The following TMEM79 variants were observed in gnomAD, a reference collection of about 807,000 sequenced individuals.
TMEM79 encodes transmembrane protein 79.
A neutral mutation model predicts 31.2 loss-of-function variants in TMEM79; 30 were observed. The ratio of observed to expected loss-of-function variants is 0.96; its 90% confidence interval spans 0.72 to 1.30. The LOEUF (loss-of-function observed/expected upper bound fraction) is 1.30, where lower values mean the gene tolerates loss of function less well. Among genes scored for constraint, TMEM79 ranks in the 50% most tolerant of loss-of-function variants. TMEM79 has a pLI of 0.00. For synonymous variants in TMEM79, 213 were observed against 229.5 expected (o/e 0.93, Z 0.65); for missense variants, 509 against 528.2 (o/e 0.96, Z 0.36).
At chr1:156,283,123 C>T (rs1255257069), upstream of TMEM79, 138 of 328,394 alleles carry the variant, frequency 4.2e-4, 2 homozygotes, top group Non-Finnish European at 1.7e-5. Flanking sequence ...TTGGTCCATC[C>T]TTCTGCCCCT....
chr1:156,286,070 T>C, intron 2 of TMEM79, 87 bp downstream of exon 2: 4 of 1,528,416 alleles, frequency 2.6e-6, no homozygotes, highest in Non-Finnish European at 3.5e-6. Context: ...AGGATTTCCC[T>C]TCACTTGACC....
intron 3 of TMEM79, 57 bp downstream of exon 3, chr1:156,286,530 C>A: frequency 6.4e-7 from 1 of 1,559,422 alleles, no homozygotes; most frequent in Non-Finnish European, 8.8e-7. Flanking sequence ...AGAACCTAGG[C>A]ATCTGAATGT....
At position 156,285,389 on chromosome 1, in the gene TMEM79, T is replaced by A. The variant is rs1332212673; in HGVS notation, c.163T>A (p.Ser55Thr). The A allele has an allele frequency of 2.5e-6, 4 of 1,589,048 alleles. No homozygotes were observed. Among genetic ancestry groups the A allele is most frequent in the Non-Finnish European group, 3.4e-6 (4 of 1,166,660 alleles). ...CCTCAGAGTGGGGTCTTCAGCTGGA[T>A]CTCCCACAGCCATAGAGGGGGCTGA... Reference protein sequence around the residue: ...ESLRVGSSAGSPTAIEGAEDG... With the variant: ...ESLRVGSSAGTPTAIEGAEDG... Residue 55 changes from serine to threonine, a missense_variant, in exon 2 of 4, where the codon TCT becomes ACT. Transcript: ENST00000405535.
Position 156,286,298 on chromosome 1 carries a change from G to A in TMEM79, c.796G>A (p.Ala266Thr), listed in dbSNP as rs150015785. 2.0e-5 allele frequency: 32 copies of A among 1,614,106 alleles called. No homozygotes were observed. Among genetic ancestry groups the A allele is most frequent in the Non-Finnish European group, 2.7e-5 (32 of 1,180,054 alleles). The change falls in exon 3 of 4, where the codon GCC becomes ACC. Residue 266 changes from alanine to threonine, a missense_variant. Physicochemically the swap from Ala to Thr is moderately conservative, Grantham distance 58. Coordinates refer to ENST00000405535, the MANE Select transcript of TMEM79 (RefSeq NM_032323.3). ...VYGLSLLCFSALRPFGEPRRE... is the reference protein window; with the variant it reads ...VYGLSLLCFSTLRPFGEPRRE... The stretch of plus-strand genomic sequence containing the variant: ...CGGGCTGAGCCTGTTATGCTTTTCT[G>A]CCCTTCGGCCCTTTGGGGAGCCACG...
rs374608140 is a variant in TMEM79 at position 156,286,501 on chromosome 1, G to A, written c.971+28G>A. ...AAGTTGGGGCAGAGGGTGGGGCATGGGAGAGGGGATGGTGCTAGAGAACCT... is the reference window on the plus strand; with the variant it reads ...AAGTTGGGGCAGAGGGTGGGGCATGAGAGAGGGGATGGTGCTAGAGAACCT... On this transcript the variant is annotated intron_variant, in intron 3 of 3. Coordinates refer to ENST00000405535, the MANE Select transcript of TMEM79 (RefSeq NM_032323.3). The A allele has an allele frequency of 1.7e-5, 27 of 1,608,802 alleles. No homozygotes were observed. The African/African-American group carries it at 2.4e-4, about 14-fold the overall frequency.
chr1:156,289,598 C>G (rs776855168), intron 3 of TMEM79, among the ~76,000 whole-genome samples: 4 of 152,022 alleles, frequency 2.6e-5, no homozygotes, highest in Non-Finnish European at 5.9e-5. Flanking sequence ...GGCGACAGAG[C>G]GAGACTCTGT....
At chr1:156,286,505 A>G (rs1216235086) in intron 3 of TMEM79, 32 bp downstream of exon 3, 2 of 1,606,468 alleles carry the variant, frequency 1.2e-6, no homozygotes, top group South Asian at 2.2e-5. Flanking sequence ...GGCATGGGAG[A>G]GGGGATGGTG....
In TMEM79 at chr1:156,285,814, G is replaced by A. The variant is rs762998741; in HGVS notation, c.588G>A (p.Glu196=). The A allele has an allele frequency of 6.2e-7, 1 of 1,613,718 alleles. No individual in the cohort carries two copies. The highest frequency in any genetic ancestry group is 8.5e-7 in the Non-Finnish European group (1 of 1,180,026). Residue 196 remains glutamate (E), a synonymous_variant, in exon 2 of 4, where the codon GAG becomes GAA. Transcript: ENST00000405535. ...GCTGCGGGAGCTGTGGAGACCGTGA[G>A]TGGCTAAGGGCTGTGGCCTCCGTGG... The part of the protein sequence containing the change: ...CGGCGSCGDR[E]WLRAVASVGA...
At chr1:156,283,074 A>G (rs1261279043), upstream of TMEM79, 1 of 405,956 alleles carries the variant, frequency 2.5e-6, no homozygotes, top group Non-Finnish European at 4.4e-6. Context: ...AGGTGAGCTT[A>G]CAGCTAGGAG....
At position 156,291,515 on chromosome 1, in the gene TMEM79, A is replaced by C; in HGVS notation, c.1102A>C (p.Met368Leu). The part of the protein sequence containing the change: ...YYMFVVEPER[M>L]LTATESRLDY... ...CATGTTCGTGGTGGAGCCGGAGCGCATGCTCACTGCCACCGAGAGCCGCCT... is the reference window on the plus strand; with the variant it reads ...CATGTTCGTGGTGGAGCCGGAGCGCCTGCTCACTGCCACCGAGAGCCGCCT... Residue 368 changes from methionine (M) to leucine (L), a missense_variant, in exon 4 of 4, where the codon ATG (methionine) becomes CTG (leucine). Physicochemically the swap from Met to Leu is conservative, Grantham distance 15. Transcript: ENST00000405535. 6.2e-7 allele frequency: 1 copy of C among 1,609,982 alleles called. No homozygotes were observed. The highest frequency in any genetic ancestry group is 8.5e-7 in the Non-Finnish European group (1 of 1,179,618).
chr1:156,287,201 T>C (rs1018709410), intron 3 of TMEM79, among the ~76,000 whole-genome samples: 3 of 150,802 alleles, frequency 2.0e-5, no homozygotes, highest in Non-Finnish European at 3.0e-5. Context: ...TGGATCACAA[T>C]GTCAGGAGCT....
intron 3 of TMEM79, among the ~76,000 whole-genome samples, chr1:156,289,388 C>T (rs1469577457): frequency 6.6e-6 from 1 of 152,164 alleles, no homozygotes; most frequent in Non-Finnish European, 1.5e-5. Flanking sequence ...GCGGGTGGAT[C>T]ACCAGGTCAG....
intron 3 of TMEM79, among the ~76,000 whole-genome samples, chr1:156,287,038 G>A (rs776256744): frequency 2.0e-4 from 30 of 152,230 alleles, no homozygotes; most frequent in Admixed American, 4.6e-4. Context: ...CAGGAGAATC[G>A]CTTGAGTCCA....
rs1274531105 is a variant in TMEM79 at position 156,291,521 on chromosome 1, A to G, written c.1108A>G (p.Thr370Ala). The change falls in exon 4 of 4, where the codon ACT (threonine) becomes GCT (alanine). Residue 370 changes from threonine to alanine, a missense_variant. Coordinates refer to ENST00000405535, the MANE Select transcript of TMEM79 (RefSeq NM_032323.3). ...MFVVEPERMLTATESRLDYPD... is the reference protein window; with the variant it reads ...MFVVEPERMLAATESRLDYPD... ...CGTGGTGGAGCCGGAGCGCATGCTC[A>G]CTGCCACCGAGAGCCGCCTGGACTA... 8.1e-6 allele frequency: 13 copies of G among 1,610,220 alleles called. No individual in the cohort carries two copies. Among genetic ancestry groups the G allele is most frequent in the Non-Finnish European group, 1.0e-5 (12 of 1,179,852 alleles).
rs1194047897 is a variant in TMEM79, at chr1:156,286,022, C to T, written c.757+39C>T. 1.0e-5 allele frequency: 16 copies of T among 1,572,528 alleles called. 1 individual carries two copies. In the Admixed American group the frequency reaches 1.6e-4, roughly 16 times the overall value. ...AAGAAAGGGGGCATCGGGAAGTGGA[C>T]TTGAGGAGGGCAGGGCCTGGCTGGT... On this transcript the variant is annotated intron_variant, in intron 2 of 3. Transcript: ENST00000405535.
At position 156,291,537 on chromosome 1, in the gene TMEM79, G is replaced by T; in HGVS notation, c.1124G>T (p.Arg375Leu). 1.2e-6 allele frequency: 2 copies of T among 1,610,198 alleles called. No individual in the cohort carries two copies. The highest frequency in any genetic ancestry group is 1.7e-6 in the Non-Finnish European group (2 of 1,179,988). ...CGCATGCTCACTGCCACCGAGAGCC[G>T]CCTGGACTACCCGGACCACGCCCGC... ...PERMLTATES[R>L]LDYPDHARSA... is the part of the protein sequence containing the mutation. Residue 375 changes from arginine to leucine, a missense_variant, in exon 4 of 4, where the codon CGC (arginine) becomes CTC (leucine). By Grantham distance (102) the Arg-to-Leu change is moderately radical (BLOSUM62 -2). Transcript: ENST00000405535.
chr1:156,289,009 T>G (rs1269320483), intron 3 of TMEM79, among the ~76,000 whole-genome samples: 1 of 152,204 alleles, frequency 6.6e-6, no homozygotes, highest in Non-Finnish European at 1.5e-5. Flanking sequence ...CTCAGGTCAG[T>G]CGGCAATAGT....
At chr1:156,283,286 A>G (rs1663052469), upstream of TMEM79, among the ~76,000 whole-genome samples, 2 of 152,242 alleles carry the variant, frequency 1.3e-5, no homozygotes, top group South Asian at 4.1e-4. Flanking sequence ...AAGCCCCGGA[A>G]GAAATGACTT....
intron 3 of TMEM79, 61 bp downstream of exon 3, chr1:156,286,534 T>A: frequency 6.4e-7 from 1 of 1,553,870 alleles, no homozygotes; most frequent in East Asian, 2.2e-5. Context: ...CCTAGGCATC[T>A]GAATGTCTGG....
Sources: allele counts gnomAD v4.1 joint callset (sites outside exome capture counted in the v4.1 genomes callset), GRCh38; gene constraint gnomAD v4.1.1; transcripts MANE v1.5; gene names NCBI Gene and HGNC (gene_info 2026-07-23, HGNC 2026-07-21).